IP6K1: variants seen among roughly 807,000 people sequenced by gnomAD.
IP6K1 encodes ATP:1D-myo-inositol-hexakisphosphate phosphotransferase.
IP6K1 carries 13 observed loss-of-function variants against 38.3 expected under a neutral mutation model. The observed-to-expected ratio is 0.34, with a 90% CI of 0.22 to 0.54. IP6K1 has a LOEUF of 0.54. Ranked by LOEUF, IP6K1 falls within the 20% of genes least tolerant of loss-of-function variation. The pLI is 0.92. For missense variants in IP6K1, 397 were observed against 599.8 expected, an observed-to-expected ratio of 0.66 and a Z score of 3.53; for synonymous variants, 212 against 229.9, an observed-to-expected ratio of 0.92 and a Z score of 0.70.
intron 1 of IP6K1, among the ~76,000 whole-genome samples, chr3:49,785,233 C>A (rs1214487085): frequency 6.6e-6 from 1 of 151,760 alleles, no homozygotes; most frequent in Non-Finnish European, 1.5e-5. Flanking sequence ...TTGCGCCGGG[C>A]ATAGTGGCTC....
intron 1 of IP6K1, among the ~76,000 whole-genome samples, chr3:49,759,264 T>A (rs577391596): frequency 1.3e-5 from 2 of 152,276 alleles, no homozygotes; most frequent in South Asian, 4.1e-4. Context: ...ACTCTGAAGA[T>A]TATCTGAAAA....
chr3:49,743,574 G>C (rs1274149610), intron 2 of IP6K1, among the ~76,000 whole-genome samples: 1 of 151,068 alleles, frequency 6.6e-6, no homozygotes, highest in Non-Finnish European at 1.5e-5. Flanking sequence ...AGCTACTCGG[G>C]GGGCTGAGGT....
At chr3:49,736,064 G>A (rs1183978404) in intron 3 of IP6K1, among the ~76,000 whole-genome samples, 3 of 151,968 alleles carry the variant, frequency 2.0e-5, no homozygotes, top group Non-Finnish European at 4.4e-5. Flanking sequence ...TTACAGGCCC[G>A]CACCACCACA....
At chr3:49,741,169 G>A (rs896246985) in intron 2 of IP6K1, among the ~76,000 whole-genome samples, 1 of 152,088 alleles carries the variant, frequency 6.6e-6, no homozygotes, top group Non-Finnish European at 1.5e-5. Context: ...AATTGTTTTG[G>A]ATATATATGT....
intron 1 of IP6K1, among the ~76,000 whole-genome samples, chr3:49,766,277 G>A (rs1029245264): frequency 2.0e-5 from 3 of 152,068 alleles, no homozygotes; most frequent in South Asian, 4.1e-4. Flanking sequence ...GCTGAGGTGG[G>A]AGAATCACTT....
intron 2 of IP6K1, among the ~76,000 whole-genome samples, chr3:49,739,630 G>A (rs998442242): frequency 3.9e-5 from 6 of 152,058 alleles, no homozygotes; most frequent in South Asian, 4.2e-4. Context: ...TGGGATTACA[G>A]GCGTGAGCCA....
At chr3:49,731,887 C>CAAAAAAAAAAAAGAAAAAAAAAAAAAA (rs2080565187) in intron 4 of IP6K1, among the ~76,000 whole-genome samples, 1 of 65,342 alleles carries the variant, frequency 1.5e-5, no homozygotes, top group Non-Finnish European at 2.9e-5. Context: ...GACTCTGTCT[C>CAAAAAAAAAAAAGAAAAAAAAAAAAAA]AAAAAAAAAA....
intron 1 of IP6K1, among the ~76,000 whole-genome samples, chr3:49,750,284 T>C (rs1277248333): frequency 6.6e-6 from 1 of 152,166 alleles, no homozygotes; most frequent in African/African-American, 2.4e-5. Context: ...TCCCTGGGAA[T>C]GCTTCTGACT....
intron 3 of IP6K1, 56 bp downstream of exon 3, chr3:49,738,156 G>T: frequency 7.2e-7 from 1 of 1,393,568 alleles, no homozygotes; most frequent in Non-Finnish European, 1.0e-6. Flanking sequence ...GATGTGTCAG[G>T]ACTATGGAGA....
intron 1 of IP6K1, among the ~76,000 whole-genome samples, chr3:49,763,196 C>T (rs1191265580): frequency 3.3e-5 from 5 of 151,572 alleles, no homozygotes; most frequent in East Asian, 1.9e-4. Flanking sequence ...CTCCGCCTCC[C>T]GGGTTCACAC....
At chr3:49,743,623 T>G (rs1241258526) in intron 2 of IP6K1, among the ~76,000 whole-genome samples, 4 of 150,118 alleles carry the variant, frequency 2.7e-5, no homozygotes, top group South Asian at 4.2e-4. Flanking sequence ...TTTTTTGTTT[T>G]TTTTTTTTTT....
intron 1 of IP6K1, among the ~76,000 whole-genome samples, chr3:49,761,888 G>C (rs1379686603): frequency 6.6e-6 from 1 of 151,974 alleles, no homozygotes; most frequent in East Asian, 1.9e-4. Flanking sequence ...TGAGGTTACA[G>C]TAAGCCATGA....
intron 4 of IP6K1, among the ~76,000 whole-genome samples, 162 bp downstream of exon 4, chr3:49,732,629 A>C (rs551029869): frequency 7.7e-4 from 117 of 152,314 alleles, no homozygotes; most frequent in Middle Eastern, 3.4e-3. Flanking sequence ...GCAGGAAAAA[A>C]ACATGTTGAT....
In IP6K1 at chr3:49,786,433, C is replaced by T. The variant is rs1374607257; in HGVS notation, c.-208G>A. On this transcript the variant is annotated 5_prime_UTR_variant, in exon 1 of 6. Coordinates refer to ENST00000321599, the MANE Select transcript of IP6K1 (RefSeq NM_153273.4). The stretch of plus-strand genomic sequence containing the variant: ...GGGCCTCCAGGTTTCGGCCCGCCCC[C>T]TGGCAGGCAGCACAGGTGGCTGAGC... The T allele has an allele frequency of 6.6e-6, 1 of 152,386 alleles. No homozygotes were observed. Among genetic ancestry groups the T allele is most frequent in the Non-Finnish European group, 1.5e-5 (1 of 68,146 alleles). The allele number at this position is 152,386 out of a possible 1,614,324, so 9.4% of individuals were successfully genotyped here. A position where few individuals can be genotyped will look rare whatever the true frequency, so the allele number is the denominator to read the frequency against.
At chr3:49,750,922 T>C (rs551312013) in intron 1 of IP6K1, among the ~76,000 whole-genome samples, 24 of 152,318 alleles carry the variant, frequency 1.6e-4, no homozygotes, top group Non-Finnish European at 2.5e-4. Context: ...TCTGTTTTGA[T>C]GGTACTTTCT....
rs1253139460 is a variant in IP6K1, at chr3:49,725,137, T to G, written c.*1985A>C. The G allele has an allele frequency of 6.6e-6, 1 of 152,640 alleles. No individual in the cohort carries two copies. The highest frequency in any genetic ancestry group is 1.5e-5 in the Non-Finnish European group (1 of 68,062). 9.5% of individuals were successfully genotyped at this position (152,640 alleles called of 1,614,324 possible). Reference sequence around the variant, plus strand: ...CAGCAAATCCCAGGCCTTCCCACTCTTTGTAGTGCCAGGAAAATACTGAAT... The same window carrying G: ...CAGCAAATCCCAGGCCTTCCCACTCGTTGTAGTGCCAGGAAAATACTGAAT... On this transcript the variant is annotated 3_prime_UTR_variant, in exon 6 of 6. Coordinates refer to ENST00000321599, the MANE Select transcript of IP6K1 (RefSeq NM_153273.4).
In IP6K1 at chr3:49,727,326, G is replaced by A. The variant is rs773549648; in HGVS notation, c.1122C>T (p.Pro374=). Residue 374 remains proline (P), a synonymous_variant, in exon 6 of 6, where the codon CCC becomes CCT. Coordinates refer to ENST00000321599, the MANE Select transcript of IP6K1 (RefSeq NM_153273.4). The surrounding 1 kb of genome is among the most constrained non-coding windows in gnomAD (Gnocchi z 5.9). Reference sequence around the variant, plus strand: ...GGCTGGTGTTGCTGGGGCTGGTGCTGGGGCCACAGGATGACGCCACCTCAG... The same window carrying A: ...GGCTGGTGTTGCTGGGGCTGGTGCTAGGGCCACAGGATGACGCCACCTCAG... ...VLPEVASSCG[P]STSPSNTSPE... 1.2e-6 allele frequency: 2 copies of A among 1,614,122 alleles called. No individual in the cohort carries two copies. The highest frequency in any genetic ancestry group is 1.7e-6 in the Non-Finnish European group (2 of 1,180,030).
At chr3:49,737,723 A>G (rs2080625443) in intron 3 of IP6K1, among the ~76,000 whole-genome samples, 1 of 152,206 alleles carries the variant, frequency 6.6e-6, no homozygotes, top group African/African-American at 2.4e-5. Context: ...AGAAAAATCA[A>G]TTTCCAACAC....
At chr3:49,734,431 C>T (rs1234606062) in intron 3 of IP6K1, among the ~76,000 whole-genome samples, 5 of 130,710 alleles carry the variant, frequency 3.8e-5, no homozygotes, top group Non-Finnish European at 6.2e-5. Context: ...GACAGAGTCT[C>T]GCTCTGTCGC....
Sources: allele counts gnomAD v4.1 joint callset (sites outside exome capture counted in the v4.1 genomes callset), GRCh38; gene constraint gnomAD v4.1.1; non-coding constraint Gnocchi (gnomAD v3.1); transcripts MANE v1.5; gene names NCBI Gene and HGNC (gene_info 2026-07-23, HGNC 2026-07-21).